Variants in ADGRG1 observed in about 807,000 individuals in gnomAD.
The protein encoded by ADGRG1 is 7-transmembrane protein with no EGF-like N-terminal domains-1.
ADGRG1 carries 53 observed loss-of-function variants against 73.5 expected under a neutral mutation model. That is an observed-to-expected ratio of 0.72 (90% CI 0.58 to 0.91). ADGRG1 has a LOEUF of 0.91. Among genes scored for constraint, ADGRG1 ranks in the 40% least tolerant of loss-of-function variants. The pLI, the probability that ADGRG1 is intolerant of heterozygous loss-of-function variation, is 0.00. For synonymous variants in ADGRG1, 394 were observed against 374.4 expected, an observed-to-expected ratio of 1.05 and a Z score of -0.60; for missense variants, 795 against 871.8, an observed-to-expected ratio of 0.91 and a Z score of 1.11.
chr16:57,645,049 ACACT>A (rs1174883494), intron 1 of ADGRG1: 14 of 983,782 alleles, frequency 1.4e-5, no homozygotes, highest in African/African-American at 1.7e-5. Flanking sequence ...GCACATACAC[ACACT>A]CATGCACACG....
intron 9 of ADGRG1, 66 bp from the exon 10 acceptor site, chr16:57,657,307 G>T (rs1359566328): frequency 9.9e-6 from 16 of 1,609,090 alleles, no homozygotes; most frequent in South Asian, 3.3e-5. Flanking sequence ...AGCCCCTCAC[G>T]CAGGGCAAGC....
chr16:57,651,841 A>G (rs2044174565), intron 3 of ADGRG1: 1 of 1,447,946 alleles, frequency 6.9e-7, no homozygotes, highest in African/African-American at 1.4e-5. Context: ...CTGTCCCTTG[A>G]TGGTTACTTT....
Position 57,661,840 on chromosome 16 carries a change from T to G in ADGRG1, c.1808T>G (p.Val603Gly). Residue 603 changes from valine to glycine, a missense_variant, in exon 13 of 14, where the codon GTG (valine) becomes GGG (glycine). By Grantham distance (109) the Val-to-Gly change is moderately radical (BLOSUM62 -3). Coordinates refer to ENST00000562631, the MANE Select transcript of ADGRG1 (RefSeq NM_201525.4). The stretch of plus-strand genomic sequence containing the variant: ...CCCCACACCCAAAAGTGGTCACATG[T>G]GCTGACACTGCTGGGCCTCAGCCTG... ...LRPHTQKWSH[V>G]LTLLGLSLVL... The G allele has an allele frequency of 1.9e-6, 3 of 1,614,250 alleles. No individual in the cohort carries two copies. Among genetic ancestry groups the G allele is most frequent in the African/African-American group, 1.3e-5 (1 of 75,078 alleles).
At chr16:57,635,435 A>C (rs1597172576) in intron 1 of ADGRG1, 1 of 985,270 alleles carries the variant, frequency 1.0e-6, no homozygotes. Context: ...CCAGTGCAGC[A>C]CCCTTGCCAG....
intron 10 of ADGRG1, 47 bp from the exon 11 acceptor site, chr16:57,659,366 C>G: frequency 6.2e-7 from 1 of 1,612,160 alleles, no homozygotes; most frequent in Non-Finnish European, 8.5e-7. Context: ...GCACACTCCC[C>G]TCTCTACCTT....
At chr16:57,641,565 CTTT>C (rs35725310) in intron 1 of ADGRG1, 5,315 of 885,898 alleles carry the variant, frequency 6.0e-3, no homozygotes, top group South Asian at 6.7e-3. Context: ...TCTAAAAGTC[CTTT>C]TTTTTTTTTT....
rs753863216 is a variant in ADGRG1, at chr16:57,656,464, G to A, written c.1064-50G>A. ...GTGCTTTTGGGGGTGGACACAGTGG[G>A]GTCCTGGAGGACTGGACTTGATTGG... is the stretch of plus-strand genomic sequence containing the variant. On this transcript the variant is annotated intron_variant, in intron 8 of 13. Transcript: ENST00000562631. The A allele has an allele frequency of 8.9e-6, 14 of 1,579,194 alleles. No homozygotes were observed. In the African/African-American group the frequency reaches 1.9e-4, roughly 21 times the overall value.
intron 10 of ADGRG1, chr16:57,659,148 G>T: frequency 4.1e-6 from 4 of 985,396 alleles, no homozygotes; most frequent in Non-Finnish European, 4.8e-6. Flanking sequence ...TATTACTGTG[G>T]TTGTCTTCCT....
upstream of ADGRG1, chr16:57,623,975 C>A (rs2035364751): frequency 2.5e-5 from 8 of 313,870 alleles, no homozygotes; most frequent in Non-Finnish European, 3.7e-5. Context: ...TAAATGGGAA[C>A]AATCATCACT....
At chr16:57,625,930 A>G (rs1281083780), upstream of ADGRG1, among the ~76,000 whole-genome samples, 1 of 152,132 alleles carries the variant, frequency 6.6e-6, no homozygotes, top group African/African-American at 2.4e-5. Context: ...CTGTTTATCG[A>G]AGCCCCCTTC....
intron 1 of ADGRG1, among the ~76,000 whole-genome samples, chr16:57,636,980 C>A (rs1252807939): frequency 6.6e-6 from 1 of 152,072 alleles, no homozygotes; most frequent in Non-Finnish European, 1.5e-5. Flanking sequence ...TGAGTTGAGG[C>A]CTGAGAAGGA....
At chr16:57,629,740 A>C (rs977596728) in intron 1 of ADGRG1, among the ~76,000 whole-genome samples, 1 of 152,134 alleles carries the variant, frequency 6.6e-6, no homozygotes, top group Non-Finnish European at 1.5e-5. Context: ...GCCCGTTGCC[A>C]CCAGACCTCA....
chr16:57,657,524 G>A (rs1567796799), intron 10 of ADGRG1, 33 bp downstream of exon 10: 3 of 1,496,922 alleles, frequency 2.0e-6, no homozygotes. Flanking sequence ...CAGGGGAGGG[G>A]ACCCTCCATT....
chr16:57,639,933 C>T, intron 1 of ADGRG1: 1 of 856,486 alleles, frequency 1.2e-6, no homozygotes, highest in Non-Finnish European at 1.4e-6. Context: ...GGGACTTGGG[C>T]AGTTTAAGAC....
At chr16:57,635,058 C>T (rs2039012865) in intron 1 of ADGRG1, 2 of 985,244 alleles carry the variant, frequency 2.0e-6, no homozygotes, top group Middle Eastern at 5.2e-4. Context: ...CTGAAGAGGA[C>T]TGGAGTGAAC....
chr16:57,650,871 G>A (rs1185465711), intron 2 of ADGRG1: 6 of 164,848 alleles, frequency 3.6e-5, no homozygotes, highest in Non-Finnish European at 7.5e-5. Flanking sequence ...ACTATGCCCG[G>A]CTAATTTTTT....
intron 1 of ADGRG1, chr16:57,621,268 C>G (rs1272227945): frequency 1.3e-5 from 2 of 152,102 alleles, no homozygotes; most frequent in Admixed American, 6.5e-5. Flanking sequence ...TGGGCACAGG[C>G]ACATGCAGAA....
In ADGRG1 at chr16:57,661,845, A is replaced by T. The variant is rs1461590736; in HGVS notation, c.1813A>T (p.Thr605Ser). The T allele has an allele frequency of 1.9e-6, 3 of 1,614,208 alleles. No individual in the cohort carries two copies. In the South Asian group the frequency reaches 3.3e-5, roughly 18 times the overall value. Residue 605 changes from threonine (T) to serine (S), a missense_variant, in exon 13 of 14, where the codon ACA becomes TCA. By Grantham distance (58) the Thr-to-Ser change is moderately conservative. Transcript: ENST00000562631. ...PHTQKWSHVL[T>S]LLGLSLVLGL... ...CACCCAAAAGTGGTCACATGTGCTGACACTGCTGGGCCTCAGCCTGGTCCT... is the reference window on the plus strand; with the variant it reads ...CACCCAAAAGTGGTCACATGTGCTGTCACTGCTGGGCCTCAGCCTGGTCCT...
At chr16:57,662,238 GA>G (rs1280923332) in intron 13 of ADGRG1, among the ~76,000 whole-genome samples, 3 of 152,162 alleles carry the variant, frequency 2.0e-5, no homozygotes, top group African/African-American at 7.2e-5. Flanking sequence ...GACTGCGCAT[GA>G]GCAGGCAAGC....
Sources: gnomAD v4.1 joint callset for allele counts (sites outside exome capture counted in the v4.1 genomes callset) on GRCh38, gnomAD v4.1.1 for gene constraint, MANE v1.5 for transcripts, NCBI Gene and HGNC (gene_info 2026-07-23, HGNC 2026-07-21) for gene names.